FSTL4: variants seen among roughly 807,000 people sequenced by gnomAD.
FSTL4 encodes follistatin-related protein 4.
In FSTL4, 28 loss-of-function variants were observed where a neutral mutation model predicts 78.2. That is an observed-to-expected ratio of 0.36 (90% CI 0.27 to 0.49). FSTL4 has a LOEUF of 0.49. Ranked by LOEUF, FSTL4 falls within the 20% of genes least tolerant of loss-of-function variation. The pLI, the probability that FSTL4 is intolerant of heterozygous loss-of-function variation, is 0.98. For synonymous variants in FSTL4, 422 were observed against 440.5 expected (o/e 0.96, Z 0.53); for missense variants, 922 against 1,084.9 (o/e 0.85, Z 2.11).
At chr5:133,443,682 C>T (rs1216684956) in intron 3 of FSTL4, among the ~76,000 whole-genome samples, 1 of 152,186 alleles carries the variant, frequency 6.6e-6, no homozygotes, top group African/African-American at 2.4e-5. Context: ...GCCCGATATT[C>T]TGAGGAGGGC....
At chr5:133,718,822 C>A in the FSTL4 span, among the ~76,000 whole-genome samples, 1 of 152,180 alleles carries the variant, frequency 6.6e-6, no homozygotes, top group Non-Finnish European at 1.5e-5. Context: ...ACCTCCTATT[C>A]AAGTAAATGT....
At chr5:133,506,696 G>C (rs1018507487) in intron 3 of FSTL4, among the ~76,000 whole-genome samples, 1 of 152,180 alleles carries the variant, frequency 6.6e-6, no homozygotes, top group Non-Finnish European at 1.5e-5. Context: ...GAGGGTTAAG[G>C]CAGGGCACAA....
At chr5:133,498,701 G>C (rs1170217833) in intron 3 of FSTL4, among the ~76,000 whole-genome samples, 1 of 149,464 alleles carries the variant, frequency 6.7e-6, no homozygotes, top group African/African-American at 2.5e-5. Flanking sequence ...CTAGGTGACA[G>C]AGTGAGACTC....
chr5:133,594,141 A>G (rs1760692949), intron 2 of FSTL4, among the ~76,000 whole-genome samples: 1 of 152,204 alleles, frequency 6.6e-6, no homozygotes, highest in Non-Finnish European at 1.5e-5. Context: ...ACACAAAGAT[A>G]TGATCCTAAG....
intron 3 of FSTL4, among the ~76,000 whole-genome samples, chr5:133,518,223 G>T (rs1277419719): frequency 6.6e-6 from 1 of 152,086 alleles, no homozygotes; most frequent in Non-Finnish European, 1.5e-5. Context: ...GACAAATTGG[G>T]AAAATACTTG....
the FSTL4 span, among the ~76,000 whole-genome samples, chr5:133,823,977 T>C: frequency 6.6e-6 from 1 of 152,226 alleles, no homozygotes; most frequent in Non-Finnish European, 1.5e-5. Context: ...ACTTCTAGTG[T>C]TCTGAGACAA....
the FSTL4 span, among the ~76,000 whole-genome samples, chr5:133,841,922 G>A: frequency 3.3e-5 from 5 of 152,324 alleles, no homozygotes; most frequent in South Asian, 2.1e-4. Flanking sequence ...GCAGCACCAC[G>A]GGGAAGCAGC....
At chr5:133,595,643 G>C (rs957737019) in intron 2 of FSTL4, among the ~76,000 whole-genome samples, 1 of 152,182 alleles carries the variant, frequency 6.6e-6, no homozygotes, top group African/African-American at 2.4e-5. Flanking sequence ...CAGGAAGGGC[G>C]CACAGTCTTC....
At chr5:133,512,107 C>T (rs929368079) in intron 3 of FSTL4, among the ~76,000 whole-genome samples, 4 of 152,212 alleles carry the variant, frequency 2.6e-5, no homozygotes, top group Admixed American at 6.5e-5. Flanking sequence ...GCATGCAGGC[C>T]CACACTGGGC....
the FSTL4 span, among the ~76,000 whole-genome samples, chr5:133,729,412 T>A: frequency 6.6e-6 from 1 of 152,194 alleles, no homozygotes; most frequent in South Asian, 2.1e-4. Flanking sequence ...ATAATATCCC[T>A]ACTAAGTGTT....
At chr5:133,807,552 C>T in the FSTL4 span, among the ~76,000 whole-genome samples, 1 of 152,250 alleles carries the variant, frequency 6.6e-6, no homozygotes, top group Non-Finnish European at 1.5e-5. Flanking sequence ...TCCCTTGGAA[C>T]TCTGTTCCCT....
rs1290980827 is a variant in FSTL4, at chr5:133,449,338, A to G, written c.161-48352T>C. 3.9e-5 allele frequency among the ~76,000 whole-genome samples: 6 copies of G among 152,142 alleles called. No individual in the cohort carries two copies. In the East Asian group the frequency reaches 1.2e-3, roughly 29 times the overall value. On this transcript the variant is annotated intron_variant, in intron 3 of 15. Coordinates refer to ENST00000265342, the MANE Select transcript of FSTL4 (RefSeq NM_015082.2). ...GTTTGGGGGACATCTCAACCCCATC[A>G]TGTGGAGTTCCGTGGCATCAGGCAC...
intron 3 of FSTL4, among the ~76,000 whole-genome samples, chr5:133,535,269 T>C (rs1370009110): frequency 1.3e-5 from 2 of 152,252 alleles, no homozygotes; most frequent in East Asian, 1.9e-4. Flanking sequence ...AATCTGGCCA[T>C]AAACTGGCCC....
intron 6 of FSTL4, among the ~76,000 whole-genome samples, chr5:133,277,114 T>G (rs1469308032): frequency 4.6e-5 from 7 of 152,036 alleles, no homozygotes; most frequent in Non-Finnish European, 4.4e-5. Context: ...GAGTTTGAAA[T>G]CAGCCTGGCC....
intron 3 of FSTL4, among the ~76,000 whole-genome samples, chr5:133,564,853 A>G (rs1000844029): frequency 6.6e-6 from 1 of 152,230 alleles, no homozygotes; most frequent in African/African-American, 2.4e-5. Context: ...AGTTCCCACT[A>G]TGATTTGGCT....
rs139171225 is a variant in FSTL4 at position 133,233,127 on chromosome 5, C to T, written c.1015+290G>A. ...TTGCCTAAGGGGCATGCTCCATGCTCCACACTGTCTGTGGCAGCCCCAGCT... is the reference window on the plus strand; with the variant it reads ...TTGCCTAAGGGGCATGCTCCATGCTTCACACTGTCTGTGGCAGCCCCAGCT... On this transcript the variant is annotated intron_variant, in intron 8 of 15. Coordinates refer to ENST00000265342, the MANE Select transcript of FSTL4 (RefSeq NM_015082.2). Among the ~76,000 whole-genome samples the T allele has an allele frequency of 8.5e-5, 13 of 152,360 alleles. No individual in the cohort carries two copies. The East Asian group carries it at 2.3e-3, about 27-fold the overall frequency.
At chr5:133,335,631 C>CT (rs1159408116) in intron 4 of FSTL4, among the ~76,000 whole-genome samples, 4 of 150,418 alleles carry the variant, frequency 2.7e-5, no homozygotes, top group Admixed American at 1.3e-4. Flanking sequence ...GCTTCAATTT[C>CT]TTTTTTTTTC....
intron 6 of FSTL4, among the ~76,000 whole-genome samples, chr5:133,270,780 CT>C (rs1463237893): frequency 1.3e-5 from 2 of 152,194 alleles, no homozygotes; most frequent in African/African-American, 2.4e-5. Context: ...CTATGCTCTC[CT>C]GCCCCATAGC....
intron 4 of FSTL4, among the ~76,000 whole-genome samples, chr5:133,372,892 C>T (rs1381027572): frequency 4.6e-5 from 7 of 152,186 alleles, no homozygotes; most frequent in Non-Finnish European, 7.3e-5. Flanking sequence ...TCTTCATGTT[C>T]TTTGTCACAG....
Sources: gnomAD v4.1 joint callset for allele counts (sites outside exome capture counted in the v4.1 genomes callset) on GRCh38, gnomAD v4.1.1 for gene constraint, MANE v1.5 for transcripts, NCBI Gene and HGNC (gene_info 2026-07-23, HGNC 2026-07-21) for gene names.